SLC35F5: variants seen among roughly 807,000 people sequenced by gnomAD.
SLC35F5 encodes solute carrier family 35 member F5, also known as HCV NS5A-transactivated protein 3.
In SLC35F5, 54 loss-of-function variants were observed where a neutral mutation model predicts 68.6. The observed-to-expected ratio is 0.79, with a 90% CI of 0.63 to 0.99. The LOEUF (loss-of-function observed/expected upper bound fraction) is 0.99. Ranked by LOEUF, SLC35F5 falls within the 50% of genes least tolerant of loss-of-function variation. SLC35F5 has a pLI of 0.00. For missense variants in SLC35F5, 567 were observed against 626.9 expected, an observed-to-expected ratio of 0.90 and a Z score of 1.02; for synonymous variants, 211 against 205.2, an observed-to-expected ratio of 1.03 and a Z score of -0.24.
intron 5 of SLC35F5, among the ~76,000 whole-genome samples, chr2:113,745,456 G>T (rs1559356323): frequency 6.6e-6 from 1 of 152,056 alleles, no homozygotes. Context: ...AAGAAAACAA[G>T]TATCATTAAA....
At chr2:113,703,667 C>T (rs573621947), downstream of SLC35F5, 3 of 152,264 alleles carry the variant, frequency 2.0e-5, no homozygotes, top group Admixed American at 2.0e-4. Context: ...GATGTTTCTC[C>T]TCAATACCAA....
rs556190555 is a variant in SLC35F5 at position 113,750,444 on chromosome 2, C to T, written c.398G>A (p.Arg133His). Reference sequence around the variant, plus strand: ...ACTTACAAAAGCAGCATGCTTTCCGCGAAGTCCTCTTGTACACTGTTGTCT... The same window carrying T: ...ACTTACAAAAGCAGCATGCTTTCCGTGAAGTCCTCTTGTACACTGTTGTCT... Reference protein sequence around the residue: ...PWRQQCTRGLRGKHAAFFADA... With the variant: ...PWRQQCTRGLHGKHAAFFADA... The change falls in exon 4 of 16, where the codon CGC becomes CAC. Residue 133 changes from arginine (R) to histidine (H), a missense_variant. By Grantham distance (29) the Arg-to-His change is conservative. Transcript: ENST00000245680. 2.7e-5 allele frequency: 43 copies of T among 1,601,516 alleles called. No individual in the cohort carries two copies. In the East Asian group the frequency reaches 3.8e-4, roughly 14 times the overall value.
In SLC35F5 at chr2:113,709,324, T is replaced by A. The variant is rs1205987227; in HGVS notation, c.*5894A>T. Among the ~76,000 whole-genome samples, 1 of 152,232 alleles carries A rather than the reference T, an allele frequency of 6.6e-6. No individual in the cohort carries two copies. The highest frequency in any genetic ancestry group is 2.4e-5 in the African/African-American group (1 of 41,458). Reference sequence around the variant, plus strand: ...TTACAAAGCACTAAGCACACACAGGTGTTTGGCATTGTCTCTGGAACTACA... The same window carrying A: ...TTACAAAGCACTAAGCACACACAGGAGTTTGGCATTGTCTCTGGAACTACA... On this transcript the variant is annotated 3_prime_UTR_variant, in exon 16 of 16. Transcript: ENST00000245680.
intron 7 of SLC35F5, 58 bp downstream of exon 7, chr2:113,742,634 T>C (rs762132006): frequency 3.3e-6 from 5 of 1,537,790 alleles, no homozygotes; most frequent in Admixed American, 1.7e-5. Context: ...TTGGTATGTA[T>C]ACAGTCTTAA....
intron 4 of SLC35F5, among the ~76,000 whole-genome samples, chr2:113,749,999 TCTAAAATA>T: frequency 6.6e-6 from 1 of 152,290 alleles, no homozygotes. Flanking sequence ...TAGCCAAACA[TCTAAAATA>T]CGTCTGGAAA....
chr2:113,718,924 A>AGAAAGAAG (rs1559318332), intron 14 of SLC35F5, among the ~76,000 whole-genome samples: 1 of 49,620 alleles, frequency 2.0e-5, no homozygotes, highest in Non-Finnish European at 6.2e-5. Context: ...AAAGAAAGAA[A>AGAAAGAAG]GAAAAAGAAA....
At chr2:113,756,289 G>C in intron 1 of SLC35F5, 81 bp downstream of exon 1, 1 of 1,546,440 alleles carries the variant, frequency 6.5e-7, no homozygotes, top group Non-Finnish European at 8.7e-7. Flanking sequence ...CTGCCACCGA[G>C]GGCAGGAGGT....
rs1686853633 is a variant in SLC35F5 at position 113,708,196 on chromosome 2, A to G, written c.*7022T>C. ...TCCCAAATCCCAATCAACTAGCTAC[A>G]GTTTTTATTGTATGCAATCTTCCCA... On this transcript the variant is annotated 3_prime_UTR_variant, in exon 16 of 16. Transcript: ENST00000245680. 5.9e-5 allele frequency among the ~76,000 whole-genome samples: 9 copies of G among 152,188 alleles called. No individual in the cohort carries two copies. The highest frequency in any genetic ancestry group is 5.9e-4 in the Admixed American group (9 of 15,278).
intron 15 of SLC35F5, among the ~76,000 whole-genome samples, chr2:113,716,219 A>G (rs575415702): frequency 1.3e-5 from 2 of 152,326 alleles, no homozygotes; most frequent in Non-Finnish European, 2.9e-5. Flanking sequence ...AGAAACAACT[A>G]AAAACATGAA....
intron 3 of SLC35F5, among the ~76,000 whole-genome samples, chr2:113,753,650 T>C (rs901138705): frequency 1.3e-5 from 2 of 152,164 alleles, no homozygotes; most frequent in Non-Finnish European, 2.9e-5. Context: ...AAACACCAAA[T>C]ATATGTATTT....
intron 1 of SLC35F5, 86 bp downstream of exon 1, chr2:113,756,284 A>C (rs1443352731): frequency 6.5e-7 from 1 of 1,545,248 alleles, no homozygotes; most frequent in Non-Finnish European, 8.7e-7. Flanking sequence ...TCCTGCTGCC[A>C]CCGAGGGCAG....
downstream of SLC35F5, among the ~76,000 whole-genome samples, chr2:113,703,165 T>C (rs1267488824): frequency 6.9e-6 from 1 of 144,200 alleles, no homozygotes; most frequent in Admixed American, 6.9e-5. Flanking sequence ...AATCTCTTTC[T>C]CTCTCTCTCT....
At chr2:113,717,052 T>C (rs1368432153) in intron 15 of SLC35F5, among the ~76,000 whole-genome samples, 1 of 152,228 alleles carries the variant, frequency 6.6e-6, no homozygotes, top group Non-Finnish European at 1.5e-5. Context: ...AGAAAAATTC[T>C]AGTAGTTTTT....
chr2:113,706,114 G>A (rs1215931794), downstream of SLC35F5, among the ~76,000 whole-genome samples: 1 of 152,072 alleles, frequency 6.6e-6, no homozygotes, highest in Non-Finnish European at 1.5e-5. Context: ...CATACAATAT[G>A]GTCCCCAGTG....
intron 12 of SLC35F5, among the ~76,000 whole-genome samples, chr2:113,724,127 A>G (rs1451801891): frequency 6.6e-6 from 1 of 152,224 alleles, no homozygotes; most frequent in African/African-American, 2.4e-5. Context: ...GTCCTTATTG[A>G]TGAGGTAAAG....
rs370481461 is a variant in SLC35F5, at chr2:113,750,384, T to C, written c.417+41A>G. On this transcript the variant is annotated intron_variant, in intron 4 of 15. Coordinates refer to ENST00000245680, the MANE Select transcript of SLC35F5 (RefSeq NM_025181.5). ...TCTTTAAACTTTGAAAAAACGTATC[T>C]ATACCCCCTTCCTAACAGACAGTTA... is the stretch of plus-strand genomic sequence containing the variant. 7 of 1,529,480 alleles carry C rather than the reference T, an allele frequency of 4.6e-6. No individual in the cohort carries two copies. In the African/African-American group the frequency reaches 8.4e-5, roughly 18 times the overall value. The allele number at this position is 1,529,480 out of a possible 1,614,324, so 94.7% of individuals were successfully genotyped here. A position where few individuals can be genotyped will look rare whatever the true frequency, so the allele number is the denominator to read the frequency against.
At chr2:113,755,773 ATAC>A (rs1676958499) in intron 1 of SLC35F5, 1 of 1,373,486 alleles carries the variant, frequency 7.3e-7, no homozygotes, top group Non-Finnish European at 1.0e-6. Flanking sequence ...GGGGAGTAAT[ATAC>A]AACATACGGC....
At chr2:113,724,216 G>C (rs547032643) in intron 12 of SLC35F5, among the ~76,000 whole-genome samples, 28 of 152,306 alleles carry the variant, frequency 1.8e-4, no homozygotes, top group Non-Finnish European at 3.8e-4. Context: ...ATATGTTCTT[G>C]GATGTTTATC....
At chr2:113,741,049 A>G (rs768611721) in intron 7 of SLC35F5, among the ~76,000 whole-genome samples, 2 of 152,238 alleles carry the variant, frequency 1.3e-5, no homozygotes, top group Non-Finnish European at 2.9e-5. Flanking sequence ...TGACAGAATA[A>G]TGAATAAACA....
Sources: allele counts gnomAD v4.1 joint callset (sites outside exome capture counted in the v4.1 genomes callset), GRCh38; gene constraint gnomAD v4.1.1; transcripts MANE v1.5; gene names NCBI Gene and HGNC (gene_info 2026-07-23, HGNC 2026-07-21).